ACAP2: variants seen among roughly 807,000 people sequenced by gnomAD.
ACAP2 encodes the protein ArfGAP with coiled-coil, ankyrin repeat and PH domains 2.
Under a neutral mutation model 115.8 loss-of-function variants are expected in ACAP2, and 39 were observed. The ratio of observed to expected loss-of-function variants is 0.34; its 90% CI spans 0.26 to 0.44. The LOEUF (loss-of-function observed/expected upper bound fraction) is 0.44, where lower values mean the gene tolerates loss of function less well. ACAP2 is among the 20% of genes least tolerant of loss of function. The pLI is 1.00. For synonymous variants in ACAP2, 289 were observed against 315.8 expected (o/e 0.92, Z 0.90); for missense variants, 662 against 927.6 (o/e 0.71, Z 3.72).
chr3:195,369,120 T>G (rs565185418), intron 4 of ACAP2, among the ~76,000 whole-genome samples: 9 of 151,846 alleles, frequency 5.9e-5, no homozygotes, highest in Non-Finnish European at 1.2e-4. Context: ...AGGAAGAAAT[T>G]AAGTGTACAT....
At chr3:195,365,484 T>C (rs977907131) in intron 4 of ACAP2, among the ~76,000 whole-genome samples, 5 of 151,872 alleles carry the variant, frequency 3.3e-5, no homozygotes, top group African/African-American at 1.2e-4. Flanking sequence ...ACACCTACCA[T>C]CCTGAGGTGG....
intron 1 of ACAP2, among the ~76,000 whole-genome samples, chr3:195,437,757 G>C (rs79693299): frequency 2.1e-5 from 3 of 143,738 alleles, no homozygotes; most frequent in Non-Finnish European, 3.0e-5. Flanking sequence ...GGAGGTTGCA[G>C]TGAGTGGAGA....
intron 1 of ACAP2, among the ~76,000 whole-genome samples, chr3:195,397,804 A>G (rs1343556224): frequency 6.6e-6 from 1 of 152,210 alleles, no homozygotes; most frequent in Non-Finnish European, 1.5e-5. Context: ...GATTATTTAC[A>G]TAGTGTTAAA....
chr3:195,382,612 T>A (rs1734023561), intron 2 of ACAP2, among the ~76,000 whole-genome samples: 1 of 151,808 alleles, frequency 6.6e-6, no homozygotes, highest in Non-Finnish European at 1.5e-5. Flanking sequence ...AAAAAACAGA[T>A]AAAAGTGAAA....
At chr3:195,294,602 AAAAAAATTAT>A (rs1727505131) in intron 18 of ACAP2, 107 bp downstream of exon 18, 1 of 72,268 alleles carries the variant, frequency 1.4e-5, no homozygotes. Flanking sequence ...GAAAAAAAAA[AAAAAAATTAT>A]ATATATATAT....
chr3:195,399,521 T>C (rs1712088141), intron 1 of ACAP2, among the ~76,000 whole-genome samples: 1 of 152,150 alleles, frequency 6.6e-6, no homozygotes, highest in African/African-American at 2.4e-5. Flanking sequence ...GTTTGTATCT[T>C]TCTAAGCAAG....
chr3:195,398,172 T>C (rs1328188538), intron 1 of ACAP2, among the ~76,000 whole-genome samples: 4 of 152,102 alleles, frequency 2.6e-5, no homozygotes, highest in Non-Finnish European at 2.9e-5. Flanking sequence ...AAAAATCCAC[T>C]TGGTTTCTAA....
Position 195,336,607 on chromosome 3 carries a change from A to T in ACAP2, c.573+325T>A, listed in dbSNP as rs1043033465. 2.1e-5 allele frequency: 4 copies of T among 190,104 alleles called. No individual in the cohort carries two copies. The East Asian group carries it at 5.1e-4, about 24-fold the overall frequency. 11.8% of individuals were successfully genotyped at this position (190,104 alleles called of 1,614,324 possible). A position where few individuals can be genotyped will look rare whatever the true frequency, so the allele number is the denominator to read the frequency against. ...AAATATTCTCACAGGTTTTTATACC[A>T]AACATTTTTAGTTATTCACCAAATG... On this transcript the variant is annotated intron_variant, in intron 7 of 22. Coordinates refer to ENST00000326793, the MANE Select transcript of ACAP2 (RefSeq NM_012287.6).
intron 4 of ACAP2, among the ~76,000 whole-genome samples, chr3:195,348,945 T>G (rs1269162154): frequency 6.6e-6 from 1 of 152,090 alleles, no homozygotes; most frequent in African/African-American, 2.4e-5. Flanking sequence ...AACATTACAC[T>G]AGAAATTCTA....
chr3:195,369,094 C>CAA (rs10540801), intron 4 of ACAP2, among the ~76,000 whole-genome samples: 3 of 111,468 alleles, frequency 2.7e-5, no homozygotes, highest in Non-Finnish European at 2.1e-5. Flanking sequence ...CAAAAACAAA[C>CAA]AAAAAAAAAA....
intron 1 of ACAP2, among the ~76,000 whole-genome samples, chr3:195,404,990 G>A (rs549101938): frequency 9.9e-5 from 15 of 151,656 alleles, no homozygotes; most frequent in Non-Finnish European, 1.9e-4. Flanking sequence ...TAGTAGAGAC[G>A]GCTTTCACCA....
chr3:195,383,178 A>G (rs188426313), intron 2 of ACAP2, among the ~76,000 whole-genome samples: 7 of 152,292 alleles, frequency 4.6e-5, no homozygotes, highest in African/African-American at 1.7e-4. Context: ...TCTTGCCAGA[A>G]AAACTGATTC....
Position 195,339,535 on chromosome 3 carries a change from AG to A in ACAP2, c.529-2560del, listed in dbSNP as rs201981169. 7.8e-3 allele frequency among the ~76,000 whole-genome samples: 1,179 copies of A among 150,776 alleles called. 19 individuals carry two copies. The highest frequency in any genetic ancestry group is 0.026 in the African/African-American group (1,057 of 41,320). On this transcript the variant is annotated intron_variant, in intron 6 of 22. Coordinates refer to ENST00000326793, the MANE Select transcript of ACAP2 (RefSeq NM_012287.6). ...AATTATATAGCATTTAAATTATTGG[AG>A]GAAAAAAGTAAACTCAAATATTTAG...
At chr3:195,295,623 C>A (rs533581921) in intron 17 of ACAP2, 85 bp downstream of exon 17, 3 of 1,432,986 alleles carry the variant, frequency 2.1e-6, no homozygotes, top group East Asian at 2.3e-5. Flanking sequence ...TTAAAAAAAA[C>A]GACAATGGCT....
chr3:195,433,133 A>T (rs1204285233), intron 1 of ACAP2, among the ~76,000 whole-genome samples: 1 of 152,128 alleles, frequency 6.6e-6, no homozygotes, highest in Non-Finnish European at 1.5e-5. Flanking sequence ...AAATCCACGG[A>T]TGCTCAAGTC....
At chr3:195,409,361 C>G (rs1713061665) in intron 1 of ACAP2, among the ~76,000 whole-genome samples, 1 of 151,620 alleles carries the variant, frequency 6.6e-6, no homozygotes, top group African/African-American at 2.4e-5. Flanking sequence ...ATAGTCAAAA[C>G]ACTTAGAAAA....
chr3:195,285,246 T>C (rs899986952), intron 22 of ACAP2: 1 of 152,284 alleles, frequency 6.6e-6, no homozygotes, highest in African/African-American at 2.4e-5. Flanking sequence ...CAACTCATTT[T>C]TAGATTGTAG....
Position 195,385,684 on chromosome 3 carries a change from G to A in ACAP2, c.112-3662C>T, listed in dbSNP as rs113913335. Among the ~76,000 whole-genome samples, 712 of 152,174 alleles carry A rather than the reference G, an allele frequency of 4.7e-3. 5 individuals carry two copies. The highest frequency in any genetic ancestry group is 0.016 in the African/African-American group (671 of 41,522). Reference sequence around the variant, plus strand: ...CCTGAGGTCTTGAAGAGCCACTAACGGTAACAAGAAAGGCACCTGACTGGG... The same window carrying A: ...CCTGAGGTCTTGAAGAGCCACTAACAGTAACAAGAAAGGCACCTGACTGGG... On this transcript the variant is annotated intron_variant, in intron 2 of 22. Transcript: ENST00000326793.
intron 2 of ACAP2, among the ~76,000 whole-genome samples, chr3:195,391,305 C>T (rs537602482): frequency 1.7e-4 from 26 of 149,394 alleles, no homozygotes; most frequent in African/African-American, 5.7e-4. Flanking sequence ...TCTCAGCTCA[C>T]AGCAACCTCC....
Sources: allele counts gnomAD v4.1 joint callset (sites outside exome capture counted in the v4.1 genomes callset), GRCh38; gene constraint gnomAD v4.1.1; transcripts MANE v1.5; gene names NCBI Gene and HGNC (gene_info 2026-07-23, HGNC 2026-07-21).